Variants in NEB observed in about 807,000 individuals in gnomAD.
NEB encodes the protein nemaline myopathy type 2.
NEB carries 512 observed loss-of-function variants against 952.2 expected under a neutral mutation model. That is an observed-to-expected ratio of 0.54 (90% CI 0.50 to 0.58). The LOEUF is 0.58. Among genes scored for constraint, NEB ranks in the 20% least tolerant of loss-of-function variants. The pLI is 0.00. For missense variants in NEB, 8,428 were observed against 9,231.1 expected, an observed-to-expected ratio of 0.91 and a Z score of 3.56; for synonymous variants, 2,900 against 3,149.8, an observed-to-expected ratio of 0.92 and a Z score of 2.66.
At chr2:151,486,252 C>T (rs890926761) in intron 181 of NEB, 2 of 246,780 alleles carry the variant, frequency 8.1e-6, no homozygotes, top group African/African-American at 4.5e-5. Flanking sequence ...CAAAAGGATG[C>T]TCAAAATTAG....
Position 151,666,308 on chromosome 2 carries a change from C to T in NEB, c.4813G>A (p.Val1605Met). The change falls in exon 41 of 182, where the codon GTG becomes ATG. Residue 1605 changes from valine to methionine, a missense_variant. Physicochemically the swap from Val to Met is conservative, Grantham distance 21. Transcript: ENST00000397345. ...DDPKLVHYMN[V>M]AKIQSDREYK... ...TCACGATCAGACTGGATTTTGGCCA[C>T]ATTCATGTAGTGAACCAGTTTAGGA... 1 of 1,613,888 alleles carries T rather than the reference C, an allele frequency of 6.2e-7. No homozygotes were observed. Among genetic ancestry groups the T allele is most frequent in the Non-Finnish European group, 8.5e-7 (1 of 1,179,848 alleles).
intron 5 of NEB, 147 bp from the exon 6 acceptor site, chr2:151,725,707 A>C (rs1342583290): frequency 3.4e-6 from 2 of 592,452 alleles, no homozygotes; most frequent in Non-Finnish European, 5.9e-6. Context: ...CCCAACTCTC[A>C]GCAAAAACTA....
At chr2:151,622,456 C>A (rs11681877) in intron 71 of NEB, among the ~76,000 whole-genome samples, 28,713 of 152,010 alleles carry the variant, frequency 0.19, 3,272 homozygotes, top group Admixed American at 0.34. Context: ...TACTTTCCAC[C>A]TTTTGCAAAA....
chr2:151,664,894 A>G, intron 42 of NEB, 31 bp from the exon 43 acceptor site: 1 of 1,512,638 alleles, frequency 6.6e-7, no homozygotes, highest in Non-Finnish European at 9.1e-7. Context: ...GCATGATTTT[A>G]CAGCAGGACA....
chr2:151,654,718 C>T lies in NEB; in HGVS notation c.6807+552G>A, dbSNP rs1366779010. Among the ~76,000 whole-genome samples the T allele has an allele frequency of 3.3e-5, 5 of 152,280 alleles. No homozygotes were observed. In the East Asian group the frequency reaches 9.6e-4, roughly 29 times the overall value. On this transcript the variant is annotated intron_variant, in intron 51 of 181. Coordinates refer to ENST00000397345, the MANE Select transcript of NEB (RefSeq NM_001164508.2). ...CCTCATGGCAATCCAATGTCATAGG[C>T]ACTTTTATGGTCCCAATTTTAGGGA... is the stretch of plus-strand genomic sequence containing the variant.
At chr2:151,508,700 G>A (rs906669424) in intron 161 of NEB, among the ~76,000 whole-genome samples, 3 of 152,226 alleles carry the variant, frequency 2.0e-5, no homozygotes, top group African/African-American at 7.2e-5. Flanking sequence ...GACAGGACTG[G>A]CAGCTCTACC....
chr2:151,664,078 G>A (rs1024363299), intron 44 of NEB, among the ~76,000 whole-genome samples: 6 of 151,744 alleles, frequency 4.0e-5, no homozygotes, highest in Admixed American at 3.9e-4. Flanking sequence ...AGAGTTAATC[G>A]AAGAGATGTG....
rs2049724688 is a variant in NEB, at chr2:151,485,682, TA to T, written c.*77del. 2 of 1,367,864 alleles carry T rather than the reference TA, an allele frequency of 1.5e-6. No individual in the cohort carries two copies. Among genetic ancestry groups the T allele is most frequent in the African/African-American group, 2.9e-5 (2 of 69,274 alleles). The allele number at this position is 1,367,864 out of a possible 1,614,324, so 84.7% of individuals were successfully genotyped here. A position where few individuals can be genotyped will look rare whatever the true frequency, so the allele number is the denominator to read the frequency against. ...ACCATAGGCAGCTTGAGAACTTAGG[TA>T]ACAGTGGAGAGTCTAAACCGAAACA... On this transcript the variant is annotated 3_prime_UTR_variant, in exon 182 of 182. Transcript: ENST00000397345.
At chr2:151,632,778 G>C (rs960380366) in intron 65 of NEB, among the ~76,000 whole-genome samples, 16 of 152,064 alleles carry the variant, frequency 1.1e-4, no homozygotes, top group African/African-American at 3.4e-4. Flanking sequence ...TCATATCGCA[G>C]GGTGAGGAAG....
intron 3 of NEB, among the ~76,000 whole-genome samples, chr2:151,731,735 A>G (rs772811236): frequency 7.2e-5 from 11 of 152,194 alleles, no homozygotes; most frequent in Non-Finnish European, 1.6e-4. Flanking sequence ...AAGGTACACA[A>G]TTATTTTAAG....
intron 105 of NEB, 84 bp from the exon 106 acceptor site, chr2:151,576,438 G>A (rs967280622): frequency 2.2e-5 from 13 of 597,582 alleles, no homozygotes; most frequent in Non-Finnish European, 3.2e-5. Context: ...TTTATGTTGT[G>A]TGTGTATATA....
chr2:151,657,854 A>C, intron 48 of NEB, 129 bp downstream of exon 48: 1 of 692,858 alleles, frequency 1.4e-6, no homozygotes, highest in East Asian at 2.8e-5. Context: ...AGCAAGGTTA[A>C]GAAGCATTCA....
chr2:151,671,477 T>C, intron 37 of NEB: 1 of 443,244 alleles, frequency 2.3e-6, no homozygotes, highest in Non-Finnish European at 4.0e-6. Flanking sequence ...AAAAATTTTG[T>C]CACTTTTGAC....
At chr2:151,488,180 ATTC>A (rs1360814251) in intron 181 of NEB, among the ~76,000 whole-genome samples, 1 of 151,978 alleles carries the variant, frequency 6.6e-6, no homozygotes. Flanking sequence ...AGAGTTCTTT[ATTC>A]TTTTTCAATA....
At chr2:151,562,286 A>G (rs2153709400) in intron 120 of NEB, 72 bp from the exon 121 acceptor site, 1 of 1,294,630 alleles carries the variant, frequency 7.7e-7, no homozygotes, top group South Asian at 1.2e-5. Context: ...ATAATTTCCT[A>G]TCAGCTGTTG....
Position 151,678,033 on chromosome 2 carries a change from T to G in NEB, c.3410A>C (p.Tyr1137Ser), listed in dbSNP as rs1303036507. Residue 1137 changes from tyrosine (Y) to serine (S), a missense_variant, in exon 33 of 182, where the codon TAC becomes TCC. This residue lies in a region of NEB where 2,851 missense variants were observed against 2,791.5 expected (regional missense o/e 1.02). Coordinates refer to ENST00000397345, the MANE Select transcript of NEB (RefSeq NM_001164508.2). Reference protein sequence around the residue: ...KKDYEKTKSKYNTPHDMFNVV... With the variant: ...KKDYEKTKSKSNTPHDMFNVV... ...ATTGAACATATCATGGGGCGTGTTG[T>G]ATTTGGACTTTGTCTTCTCATAGTC... The G allele has an allele frequency of 1.2e-6, 2 of 1,613,882 alleles. No homozygotes were observed. Among genetic ancestry groups the G allele is most frequent in the Admixed American group, 1.7e-5 (1 of 60,006 alleles).
chr2:151,650,181 T>C lies in NEB; in HGVS notation c.7426A>G (p.Ser2476Gly). 1 of 1,613,584 alleles carries C rather than the reference T, an allele frequency of 6.2e-7. No individual in the cohort carries two copies. Among genetic ancestry groups the C allele is most frequent in the Non-Finnish European group, 8.5e-7 (1 of 1,179,564 alleles). Residue 2476 changes from serine (S) to glycine (G), a missense_variant, in exon 54 of 182, where the codon AGT (serine) becomes GGT (glycine). Physicochemically the swap from Ser to Gly is moderately conservative, Grantham distance 56 (BLOSUM62 0). Coordinates refer to ENST00000397345, the MANE Select transcript of NEB (RefSeq NM_001164508.2). ...VLAKTNAKNR[S>G]DRLYREAWDK... Reference sequence around the variant, plus strand: ...ATTTCCAGAGTGCTACTCACATCACTCCTATTTTTGGCATTTGTCTTTGCC... The same window carrying C: ...ATTTCCAGAGTGCTACTCACATCACCCCTATTTTTGGCATTTGTCTTTGCC...
chr2:151,558,488 C>A (rs1423657320), intron 124 of NEB, among the ~76,000 whole-genome samples: 1 of 152,136 alleles, frequency 6.6e-6, no homozygotes, highest in African/African-American at 2.4e-5. Context: ...CTACCATTGA[C>A]TTTTTTCACA....
chr2:151,506,636 A>T (rs1324689239), intron 163 of NEB, among the ~76,000 whole-genome samples: 1 of 152,224 alleles, frequency 6.6e-6, no homozygotes, highest in Non-Finnish European at 1.5e-5. Context: ...TCAAAAAGAA[A>T]TCCATCTTCT....
Sources: gnomAD v4.1 joint callset for allele counts (sites outside exome capture counted in the v4.1 genomes callset) on GRCh38, gnomAD v4.1.1 for gene constraint, gnomAD v4.1.1 regional missense constraint, MANE v1.5 for transcripts, NCBI Gene and HGNC (gene_info 2026-07-23, HGNC 2026-07-21) for gene names.